SGCD: variants seen among roughly 807,000 people sequenced by gnomAD.
SGCD encodes the protein sarcoglycan delta.
In SGCD, 18 loss-of-function variants were observed where a neutral mutation model predicts 36.6. That is an observed-to-expected ratio of 0.49 (90% CI 0.34 to 0.73). The LOEUF (loss-of-function observed/expected upper bound fraction) is 0.73, where lower values mean the gene tolerates loss of function less well. Ranked by LOEUF, SGCD falls within the 30% of genes least tolerant of loss-of-function variation. The probability of loss-of-function intolerance (pLI) is 0.01; values close to 1 mark genes in which losing one functional copy is unlikely to be tolerated. For missense variants in SGCD, 387 were observed against 346.7 expected, an observed-to-expected ratio of 1.12 and a Z score of -0.92; for synonymous variants, 133 against 130.6, an observed-to-expected ratio of 1.02 and a Z score of -0.12.
At chr5:155,931,231 T>A (rs138969163) in intron 1 of SGCD, among the ~76,000 whole-genome samples, 41 of 152,248 alleles carry the variant, frequency 2.7e-4, no homozygotes, top group African/African-American at 8.9e-4. Context: ...TGTTGGGTTA[T>A]CTTCAGTGAA....
At chr5:156,606,035 A>G (rs1010878037) in intron 6 of SGCD, among the ~76,000 whole-genome samples, 2 of 152,150 alleles carry the variant, frequency 1.3e-5, no homozygotes, top group African/African-American at 4.8e-5. Context: ...GCTGTGCAGA[A>G]GCTCTTTAGC....
intron 8 of SGCD, among the ~76,000 whole-genome samples, chr5:156,758,778 A>ATTGT (rs1218755132): frequency 6.7e-6 from 1 of 149,292 alleles, no homozygotes; most frequent in Non-Finnish European, 1.5e-5. Context: ...AGCCCCATAA[A>ATTGT]TTGTTAGAAA....
intron 3 of SGCD, among the ~76,000 whole-genome samples, chr5:156,215,132 A>G (rs1764540770): frequency 6.6e-6 from 1 of 151,792 alleles, no homozygotes; most frequent in Non-Finnish European, 1.5e-5. Flanking sequence ...GGGATGCTCA[A>G]CTGTTAAATC....
chr5:156,498,409 A>G (rs1756297013), intron 3 of SGCD, among the ~76,000 whole-genome samples: 1 of 152,164 alleles, frequency 6.6e-6, no homozygotes, highest in Admixed American at 6.6e-5. Context: ...CTGTCACCTC[A>G]GTAAAATCCC....
intron 3 of SGCD, among the ~76,000 whole-genome samples, chr5:156,224,676 C>T (rs1329451640): frequency 1.3e-5 from 2 of 152,120 alleles, no homozygotes; most frequent in African/African-American, 4.8e-5. Context: ...AAGACTTCAG[C>T]TCTTTGTATG....
At chr5:156,630,474 C>T (rs2113529833) in intron 6 of SGCD, among the ~76,000 whole-genome samples, 1 of 152,238 alleles carries the variant, frequency 6.6e-6, no homozygotes, top group Middle Eastern at 3.4e-3. Flanking sequence ...TTACTGTGTG[C>T]CATGCACTAT....
At chr5:155,738,839 G>A in the SGCD span, among the ~76,000 whole-genome samples, 3 of 143,798 alleles carry the variant, frequency 2.1e-5, no homozygotes, top group South Asian at 4.3e-4. Flanking sequence ...GTGAGACTGT[G>A]AGAGAGTATG....
rs550140389 is a variant in SGCD, at chr5:156,401,475, A to T, written c.192+56798A>T. On this transcript the variant is annotated intron_variant, in intron 3 of 8. Transcript: ENST00000337851. ...GCCATGAAGGGCCCTAATTAGCCTA[A>T]TTACAGAGGGCTGCCTAGTGTAGAG... Among the ~76,000 whole-genome samples the T allele has an allele frequency of 7.2e-5, 11 of 152,334 alleles. No individual in the cohort carries two copies. In the East Asian group the frequency reaches 2.1e-3, roughly 29 times the overall value.
intron 7 of SGCD, among the ~76,000 whole-genome samples, chr5:156,648,370 T>C (rs148764749): frequency 3.0e-4 from 45 of 152,180 alleles, no homozygotes; most frequent in Middle Eastern, 6.8e-3. Context: ...TAGGCACATG[T>C]ACTTGCATTG....
intron 3 of SGCD, among the ~76,000 whole-genome samples, chr5:156,432,951 G>A (rs910837594): frequency 3.3e-5 from 5 of 152,088 alleles, no homozygotes; most frequent in Non-Finnish European, 7.4e-5. Context: ...GTAATGCCAG[G>A]CACCTAGCTC....
intron 1 of SGCD, among the ~76,000 whole-genome samples, chr5:156,065,669 T>G (rs1157129825): frequency 6.8e-5 from 1 of 14,746 alleles, no homozygotes; most frequent in Non-Finnish European, 1.2e-4. Context: ...CTTGTTGAAT[T>G]GATCCCTTTA....
the SGCD span, among the ~76,000 whole-genome samples, chr5:155,800,898 T>C: frequency 1.3e-5 from 2 of 152,206 alleles, no homozygotes; most frequent in Non-Finnish European, 2.9e-5. Context: ...ATGCTCGACC[T>C]CCCAGGCCAC....
chr5:155,929,274 G>C (rs1757053644), intron 1 of SGCD, among the ~76,000 whole-genome samples: 1 of 152,170 alleles, frequency 6.6e-6, no homozygotes. Context: ...CCAGTACCTA[G>C]CATTGTACAT....
At chr5:155,926,943 T>C (rs1473499534) in intron 1 of SGCD, among the ~76,000 whole-genome samples, 1 of 152,192 alleles carries the variant, frequency 6.6e-6, no homozygotes, top group African/African-American at 2.4e-5. Flanking sequence ...GAGACACTTT[T>C]GGTTTCTACA....
the SGCD span, among the ~76,000 whole-genome samples, chr5:155,829,187 G>C: frequency 2.6e-5 from 4 of 151,954 alleles, no homozygotes; most frequent in Non-Finnish European, 5.9e-5. Flanking sequence ...CCTAGTCCTG[G>C]GGGCAGGATG....
rs953246531 is a variant in SGCD at position 156,061,774 on chromosome 5, G to C, written c.-281-56104G>C. 2.7e-5 allele frequency among the ~76,000 whole-genome samples: 4 copies of C among 145,626 alleles called. No individual in the cohort carries two copies. In the East Asian group the frequency reaches 5.8e-4, roughly 21 times the overall value. On this transcript the variant is annotated intron_variant, in intron 1 of 9. Transcript: ENST00000517913. ...AAAGGCAACAAATATCTAATGGGTT[G>C]TCTGGACAGTTTCATAGATGAACTG...
chr5:156,405,501 G>A (rs1772357624), intron 3 of SGCD, among the ~76,000 whole-genome samples: 1 of 152,124 alleles, frequency 6.6e-6, no homozygotes, highest in African/African-American at 2.4e-5. Flanking sequence ...AACTCTCCCT[G>A]CCTTATAGGG....
chr5:156,323,114 T>G (rs1156378275), upstream of SGCD, among the ~76,000 whole-genome samples: 2 of 152,148 alleles, frequency 1.3e-5, no homozygotes, highest in Non-Finnish European at 2.9e-5. Flanking sequence ...GAGATGAGGT[T>G]AATACTAGCA....
rs538941167 is a variant in SGCD, at chr5:156,571,386, C to G, written c.295-17845C>G. 3.3e-5 allele frequency among the ~76,000 whole-genome samples: 5 copies of G among 152,140 alleles called. No homozygotes were observed. The East Asian group carries it at 9.7e-4, about 29-fold the overall frequency. ...TTTAAACATATTTTTTTTGGTCTTT[C>G]TTTCTGGCAGTTTCTTTTTTATTCC... On this transcript the variant is annotated intron_variant, in intron 4 of 8. Transcript: ENST00000337851.
Sources: gnomAD v4.1 joint callset for allele counts (sites outside exome capture counted in the v4.1 genomes callset) on GRCh38, gnomAD v4.1.1 for gene constraint, MANE v1.5 for transcripts, NCBI Gene and HGNC (gene_info 2026-07-23, HGNC 2026-07-21) for gene names.